SLC35F4: variants seen among roughly 807,000 people sequenced by gnomAD.
The protein encoded by SLC35F4 is chromosome 14 open reading frame 36.
A neutral mutation model predicts 44.2 loss-of-function variants in SLC35F4; 24 were observed. The observed-to-expected ratio is 0.54, with a 90% CI of 0.39 to 0.76. The LOEUF is 0.76. SLC35F4 is among the 30% of genes least tolerant of loss of function. SLC35F4 has a pLI of 0.00. For missense variants in SLC35F4, 562 were observed against 586.1 expected (o/e 0.96, Z 0.42); for synonymous variants, 238 against 223.6 (o/e 1.06, Z -0.57).
At chr14:57,685,476 A>G (rs150093694) in intron 1 of SLC35F4, among the ~76,000 whole-genome samples, 151 of 152,328 alleles carry the variant, frequency 9.9e-4, no homozygotes, top group African/African-American at 3.4e-3. Flanking sequence ...TTCAGGCATC[A>G]TTGGTAATGA....
intron 1 of SLC35F4, among the ~76,000 whole-genome samples, chr14:57,812,613 G>A (rs924295213): frequency 6.6e-6 from 1 of 152,076 alleles, no homozygotes; most frequent in Admixed American, 6.6e-5. Flanking sequence ...GGGGCCCAAT[G>A]AATTTGGATT....
At chr14:57,746,778 G>T (rs1410994255) in intron 1 of SLC35F4, among the ~76,000 whole-genome samples, 1 of 152,140 alleles carries the variant, frequency 6.6e-6, no homozygotes, top group Admixed American at 6.6e-5. Flanking sequence ...GACTCAAGGG[G>T]TAGCTATTCT....
At chr14:57,715,817 A>G (rs1003407395) in intron 1 of SLC35F4, among the ~76,000 whole-genome samples, 1 of 152,220 alleles carries the variant, frequency 6.6e-6, no homozygotes, top group Non-Finnish European at 1.5e-5. Context: ...GAGGAGAGAC[A>G]AAAGTGAAAA....
chr14:57,684,587 A>C (rs1008401118), intron 1 of SLC35F4, among the ~76,000 whole-genome samples: 1 of 152,140 alleles, frequency 6.6e-6, no homozygotes, highest in African/African-American at 2.4e-5. Flanking sequence ...CTGGGTTCCT[A>C]ACAGGCCACA....
intron 1 of SLC35F4, among the ~76,000 whole-genome samples, chr14:57,703,865 G>T (rs926320236): frequency 4.6e-5 from 7 of 151,922 alleles, no homozygotes; most frequent in African/African-American, 1.7e-4. Flanking sequence ...TGCCTTAAAG[G>T]GCGTAATTTT....
At chr14:57,730,405 T>G (rs561045892) in intron 1 of SLC35F4, among the ~76,000 whole-genome samples, 3 of 5,020 alleles carry the variant, frequency 6.0e-4, no homozygotes, top group African/African-American at 6.8e-4. Flanking sequence ...ATGTTGAACT[T>G]TTTTTTTTTC....
chr14:57,618,992 T>G (rs1446374722), intron 1 of SLC35F4, among the ~76,000 whole-genome samples: 1 of 152,080 alleles, frequency 6.6e-6, no homozygotes, highest in African/African-American at 2.4e-5. Flanking sequence ...CCTCTCTAGA[T>G]TCCTCCTCTC....
In SLC35F4 at chr14:57,865,988, C is replaced by G; in HGVS notation, c.-163G>C. 2.5e-6 allele frequency: 1 copy of G among 400,966 alleles called. No homozygotes were observed. Among genetic ancestry groups the G allele is most frequent in the Non-Finnish European group, 4.2e-6 (1 of 238,004 alleles). The allele number at this position is 400,966 out of a possible 1,614,324, so 24.8% of individuals were successfully genotyped here. ...CCGGCGCAGCACCGGCTCCGCATCA[C>G]AGCGGCGGCGGCGGCGGCGGCGGCG... is the stretch of plus-strand genomic sequence containing the variant. On this transcript the variant is annotated 5_prime_UTR_variant, in exon 1 of 8. Coordinates refer to ENST00000556826, the MANE Select transcript of SLC35F4 (RefSeq NM_001306087.2).
intron 1 of SLC35F4, among the ~76,000 whole-genome samples, chr14:57,786,100 G>T (rs755582153): frequency 1.1e-4 from 16 of 152,072 alleles, no homozygotes; most frequent in Admixed American, 2.0e-4. Flanking sequence ...AGTGAGACTG[G>T]CCTTCAGTTT....
intron 2 of SLC35F4, among the ~76,000 whole-genome samples, chr14:57,591,627 C>T (rs997265323): frequency 6.6e-6 from 1 of 152,172 alleles, no homozygotes; most frequent in Admixed American, 6.6e-5. Context: ...CAGTATGACT[C>T]CAGGGTCTAA....
intron 1 of SLC35F4, among the ~76,000 whole-genome samples, chr14:57,655,606 C>A (rs571939313): frequency 1.3e-5 from 2 of 152,106 alleles, no homozygotes; most frequent in African/African-American, 4.8e-5. Context: ...GCCTGTACCA[C>A]CCAGCACTGC....
Position 57,569,924 on chromosome 14 carries a change from G to A in SLC35F4, c.990C>T (p.Val330=). Residue 330 remains valine, a synonymous_variant, in exon 6 of 8, where the codon GTC becomes GTT. Transcript: ENST00000556826. ...SANFGEAAHF[V]STLGFFNLIF... ...TCAAATTGAAGAAACCCAAGGTGGA[G>A]ACAAAGTGTGCAGCTTCCCCAAAGT... The A allele has an allele frequency of 6.2e-7, 1 of 1,612,892 alleles. No individual in the cohort carries two copies. The highest frequency in any genetic ancestry group is 8.5e-7 in the Non-Finnish European group (1 of 1,179,500).
rs76931851 is a variant in SLC35F4 at position 57,780,776 on chromosome 14, A to G, written c.103+84947T>C. Among the ~76,000 whole-genome samples the G allele has an allele frequency of 5.5e-3, 837 of 152,252 alleles. 7 individuals carry two copies. Among genetic ancestry groups the G allele is most frequent in the African/African-American group, 0.019 (789 of 41,554 alleles). ...AAGACACATATAAAAACATAGACCA[A>G]GGGAACAGAATAGAGAGTCCAGAAA... is the stretch of plus-strand genomic sequence containing the variant. On this transcript the variant is annotated intron_variant, in intron 1 of 7. Coordinates refer to ENST00000556826, the MANE Select transcript of SLC35F4 (RefSeq NM_001306087.2).
At chr14:57,838,636 A>G (rs762808252) in intron 1 of SLC35F4, among the ~76,000 whole-genome samples, 3 of 152,216 alleles carry the variant, frequency 2.0e-5, no homozygotes, top group Non-Finnish European at 4.4e-5. Context: ...AATAAGAGAC[A>G]TGACAGTTCA....
At chr14:57,718,557 G>A (rs1445789019) in intron 1 of SLC35F4, among the ~76,000 whole-genome samples, 1 of 152,020 alleles carries the variant, frequency 6.6e-6, no homozygotes, top group Non-Finnish European at 1.5e-5. Context: ...CTGAGATGAT[G>A]TCTTGTACTT....
chr14:57,720,739 G>C (rs1386512626), intron 1 of SLC35F4, among the ~76,000 whole-genome samples: 1 of 151,950 alleles, frequency 6.6e-6, no homozygotes. Flanking sequence ...TGTTAATCTG[G>C]ATGGGTACCA....
chr14:57,932,796 C>T (rs747487885), intron 1 of SLC35F4, among the ~76,000 whole-genome samples: 33 of 152,070 alleles, frequency 2.2e-4, no homozygotes, highest in Non-Finnish European at 4.0e-4. Flanking sequence ...TTGCAGTGAG[C>T]CGAGGTCATA....
At chr14:57,942,259 A>G (rs1014481282) in intron 1 of SLC35F4, among the ~76,000 whole-genome samples, 1 of 152,176 alleles carries the variant, frequency 6.6e-6, no homozygotes, top group African/African-American at 2.4e-5. Context: ...GCAAGGGAGA[A>G]ATAACTCTGT....
At chr14:57,659,035 T>A (rs1047304093) in intron 1 of SLC35F4, among the ~76,000 whole-genome samples, 3 of 152,140 alleles carry the variant, frequency 2.0e-5, no homozygotes, top group Admixed American at 1.3e-4. Flanking sequence ...CTCTCAGATA[T>A]CATTGTCTAG....
Sources: allele counts gnomAD v4.1 joint callset (sites outside exome capture counted in the v4.1 genomes callset), GRCh38; gene constraint gnomAD v4.1.1; transcripts MANE v1.5; gene names NCBI Gene and HGNC (gene_info 2026-07-23, HGNC 2026-07-21).